Variants in ACSBG2 observed in about 807,000 individuals in gnomAD.
ACSBG2 encodes acyl-CoA synthetase bubblegum family member 2.
A neutral mutation model predicts 74.7 loss-of-function variants in ACSBG2; 62 were observed. That is an observed-to-expected ratio of 0.83 (90% CI 0.68 to 1.03). The LOEUF is 1.03. Among genes scored for constraint, ACSBG2 ranks in the 50% least tolerant of loss-of-function variants. The pLI is 0.00. For synonymous variants in ACSBG2, 309 were observed against 294.1 expected (o/e 1.05, Z -0.52); for missense variants, 730 against 817.6 (o/e 0.89, Z 1.31).
Position 6,151,717 on chromosome 19 carries a change from A to C in ACSBG2, c.308A>C (p.Glu103Ala). 1 of 1,598,442 alleles carries C rather than the reference A, an allele frequency of 6.3e-7. No individual in the cohort carries two copies. Among genetic ancestry groups the C allele is most frequent in the Non-Finnish European group, 8.5e-7 (1 of 1,172,074 alleles). Residue 103 changes from glutamate to alanine, a missense_variant, in exon 4 of 15, where the codon GAG (glutamate) becomes GCG (alanine). Coordinates refer to ENST00000588485, the MANE Select transcript of ACSBG2 (RefSeq NM_030924.5). Reference sequence around the variant, plus strand: ...CTTTTTCCTTCCCAGCTGGGTTTGGAGCGTTTCCACGGAGTTGGTATCCTG... The same window carrying C: ...CTTTTTCCTTCCCAGCTGGGTTTGGCGCGTTTCCACGGAGTTGGTATCCTG... Reference protein sequence around the residue: ...AAKSLIKLGLERFHGVGILGF... With the variant: ...AAKSLIKLGLARFHGVGILGF...
intron 6 of ACSBG2, among the ~76,000 whole-genome samples, chr19:6,163,112 T>C (rs1266727674): frequency 7.5e-6 from 1 of 132,510 alleles, no homozygotes; most frequent in African/African-American, 2.8e-5. Flanking sequence ...CTGTCTCTAC[T>C]AAAAATACAA....
Position 6,185,623 on chromosome 19 carries a change from G to T in ACSBG2, c.1510G>T (p.Gly504Cys). The change falls in exon 11 of 15, where the codon GGT (glycine) becomes TGT (cysteine). Residue 504 changes from glycine (G) to cysteine (C), a missense_variant. Coordinates refer to ENST00000588485, the MANE Select transcript of ACSBG2 (RefSeq NM_030924.5). ...GGATCTGGGCCAGCTGGACGGTCTG[G>T]GTTTCCTCTATGTCACCGGCCACAT... is the stretch of plus-strand genomic sequence containing the variant. The part of the protein sequence containing the change: ...SGDLGQLDGL[G>C]FLYVTGHIKE... The T allele has an allele frequency of 6.2e-7, 1 of 1,614,158 alleles. No homozygotes were observed. The highest frequency in any genetic ancestry group is 8.5e-7 in the Non-Finnish European group (1 of 1,180,022).
intron 7 of ACSBG2, among the ~76,000 whole-genome samples, chr19:6,173,596 G>A (rs1051260352): frequency 6.6e-5 from 10 of 152,166 alleles, no homozygotes; most frequent in Non-Finnish European, 1.3e-4. Flanking sequence ...GGCCCTTGCA[G>A]CTTTCCTTTC....
intron 4 of ACSBG2, among the ~76,000 whole-genome samples, chr19:6,153,859 T>TAAAGA (rs10596493): frequency 1.7e-4 from 19 of 112,012 alleles, no homozygotes; most frequent in African/African-American, 2.3e-4. Context: ...AAAATAAAAG[T>TAAAGA]AAAGAAAAGA....
intron 7 of ACSBG2, among the ~76,000 whole-genome samples, chr19:6,176,925 G>A (rs2090103094): frequency 6.6e-6 from 1 of 152,120 alleles, no homozygotes; most frequent in South Asian, 2.1e-4. Context: ...GGGAGGCTGA[G>A]GCGGGAGGTC....
intron 2 of ACSBG2, among the ~76,000 whole-genome samples, chr19:6,143,972 TTTG>T (rs143208429): frequency 0.62 from 93,884 of 151,548 alleles, 29,645 homozygotes; most frequent in Admixed American, 0.69. Context: ...GTTGTTTGGT[TTTG>T]TTGTTGTTTT....
rs1159967369 is a variant in ACSBG2 at position 6,143,360 on chromosome 19, G to T, written c.67+1750G>T. Among the ~76,000 whole-genome samples, 8 of 151,074 alleles carry T rather than the reference G, an allele frequency of 5.3e-5. No homozygotes were observed. In the Admixed American group the frequency reaches 5.3e-4, roughly 10 times the overall value. ...GATCACACCACTGCATTCCAGCCTG[G>T]GCAACAGAGTGAGACTCTGTCTCAA... is the stretch of plus-strand genomic sequence containing the variant. On this transcript the variant is annotated intron_variant, in intron 2 of 14. Transcript: ENST00000588485.
At position 6,147,649 on chromosome 19, in the gene ACSBG2, C is replaced by T. The variant is rs138620159; in HGVS notation, c.271C>T (p.Arg91Trp). 1.9e-4 allele frequency: 302 copies of T among 1,614,100 alleles called. No homozygotes were observed. The African/African-American group carries it at 3.2e-3, about 17-fold the overall frequency. The stretch of plus-strand genomic sequence containing the variant: ...TTTCAACCAGTACTATGAGGCTTGT[C>T]GGAAGGCTGCAAAATCCTTGATCAA... The part of the protein sequence containing the change: ...LNFNQYYEAC[R>W]KAAKSLIKLG... Residue 91 changes from arginine (R) to tryptophan (W), a missense_variant, in exon 3 of 15, where the codon CGG becomes TGG. By Grantham distance (101) the Arg-to-Trp change is moderately radical. Coordinates refer to ENST00000588485, the MANE Select transcript of ACSBG2 (RefSeq NM_030924.5).
chr19:6,160,172 C>T (rs567656260), intron 5 of ACSBG2, among the ~76,000 whole-genome samples: 8 of 151,804 alleles, frequency 5.3e-5, no homozygotes, highest in Admixed American at 1.3e-4. Context: ...GGGCGGATCA[C>T]GAGGTCAGGA....
At chr19:6,190,790 AACACACACATACACACATACATAC>A (rs1432907898) in intron 14 of ACSBG2, 98 bp downstream of exon 14, 72 of 557,880 alleles carry the variant, frequency 1.3e-4, no homozygotes, top group Admixed American at 3.3e-4. Flanking sequence ...AACTGCAGAA[AACACACACATACACACATACATAC>A]ACACACACAC....
intron 3 of ACSBG2, among the ~76,000 whole-genome samples, chr19:6,149,674 T>A (rs1025512026): frequency 2.0e-5 from 3 of 152,086 alleles, no homozygotes; most frequent in African/African-American, 7.2e-5. Context: ...GCCCGGCTAA[T>A]TTTTTGTATA....
chr19:6,191,798 A>C (rs944523823), intron 14 of ACSBG2: 2 of 152,148 alleles, frequency 1.3e-5, no homozygotes, highest in African/African-American at 2.4e-5. Context: ...TTCAACGTTA[A>C]CTGGTTTAAC....
chr19:6,139,030 TTG>T (rs928940713), intron 1 of ACSBG2, among the ~76,000 whole-genome samples: 19 of 152,126 alleles, frequency 1.2e-4, no homozygotes, highest in Admixed American at 7.2e-4. Flanking sequence ...TTGATCTACT[TTG>T]TGTGTGTAAA....
In ACSBG2 at chr19:6,185,746, G is replaced by T. The variant is rs1330282832; in HGVS notation, c.1540+93G>T. 7 of 1,304,040 alleles carry T rather than the reference G, an allele frequency of 5.4e-6. No individual in the cohort carries two copies. The East Asian group carries it at 1.4e-4, about 26-fold the overall frequency. The allele number at this position is 1,304,040 out of a possible 1,614,324, so 80.8% of individuals were successfully genotyped here. A position where few individuals can be genotyped will look rare whatever the true frequency, so the allele number is the denominator to read the frequency against. ...GGTACCAGCACGAAGGCCACCCCCAGTTCCTCACCTTCCAAGAGGAGCTGT... is the reference window on the plus strand; with the variant it reads ...GGTACCAGCACGAAGGCCACCCCCATTTCCTCACCTTCCAAGAGGAGCTGT... On this transcript the variant is annotated intron_variant, in intron 11 of 14. Transcript: ENST00000588485.
chr19:6,152,286 T>TTG (rs1178091836), intron 4 of ACSBG2, among the ~76,000 whole-genome samples: 6 of 57,476 alleles, frequency 1.0e-4, no homozygotes, highest in African/African-American at 4.1e-4. Flanking sequence ...CTAATTTTTT[T>TTG]TTTTTTTTTT....
chr19:6,153,271 T>C (rs886109921), intron 4 of ACSBG2, among the ~76,000 whole-genome samples: 1 of 151,750 alleles, frequency 6.6e-6, no homozygotes, highest in South Asian at 2.1e-4. Context: ...AACAAAAAAA[T>C]TTAAAATACC....
chr19:6,153,492 G>A (rs945167592), intron 4 of ACSBG2, among the ~76,000 whole-genome samples: 4 of 151,846 alleles, frequency 2.6e-5, no homozygotes, highest in Non-Finnish European at 5.9e-5. Context: ...TTCGACTCAA[G>A]ATTAATAATA....
At chr19:6,136,582 CG>C (rs1255228454) in intron 1 of ACSBG2, among the ~76,000 whole-genome samples, 5 of 152,016 alleles carry the variant, frequency 3.3e-5, no homozygotes, top group Non-Finnish European at 7.4e-5. Flanking sequence ...AGGCTGGTCT[CG>C]AACTCCTGGC....
intron 3 of ACSBG2, 52 bp downstream of exon 3, chr19:6,147,727 T>A: frequency 6.4e-7 from 1 of 1,562,632 alleles, no homozygotes. Flanking sequence ...TCTGAATAGG[T>A]AACAGACATA....
Sources: allele counts gnomAD v4.1 joint callset (sites outside exome capture counted in the v4.1 genomes callset), GRCh38; gene constraint gnomAD v4.1.1; transcripts MANE v1.5; gene names NCBI Gene and HGNC (gene_info 2026-07-23, HGNC 2026-07-21).